Variants in TEX13D observed in about 807,000 individuals in gnomAD.
The protein encoded by TEX13D is testis-expressed protein 13D.
For missense variants in TEX13D, 261 were observed against 265.8 expected (o/e 0.98, Z 0.12); for synonymous variants, 115 against 104.5 (o/e 1.10, Z -0.61).
At position 124,332,665 on chromosome X, in the gene TEX13D, T is replaced by G; in HGVS notation, c.-253T>G. The G allele has an allele frequency of 4.5e-6, 1 of 222,040 alleles. No individual in the cohort carries two copies. Among genetic ancestry groups the G allele is most frequent in the Non-Finnish European group, 8.2e-6 (1 of 122,625 alleles). 18.3% of individuals were successfully genotyped at this position (222,040 alleles called of 1,213,427 possible). ...CCAGCCTTGCGGCACGACTCAGCTT[T>G]TCTCTGTGACATGTCGCGGAGTCGC... On this transcript the variant is annotated 5_prime_UTR_variant, in exon 1 of 1. Transcript: ENST00000632372.
chrX:124,333,461 C>A lies in TEX13D; in HGVS notation c.544C>A (p.Gln182Lys). The A allele has an allele frequency of 6.3e-6, 2 of 316,492 alleles. No homozygotes were observed. Among genetic ancestry groups the A allele is most frequent in the Non-Finnish European group, 1.1e-5 (2 of 183,340 alleles). The allele number at this position is 316,492 out of a possible 1,213,427, so 26.1% of individuals were successfully genotyped here. Reference sequence around the variant, plus strand: ...TGCGGCATGTCCCCTGGCTACAGAGCAGCAGAGCGATATGGTGGCCATGGG... The same window carrying A: ...TGCGGCATGTCCCCTGGCTACAGAGAAGCAGAGCGATATGGTGGCCATGGG... ...GAAACPLATE[Q>K]QSDMVAMGTH... The change falls in exon 1 of 1, where the codon CAG (glutamine) becomes AAG (lysine). Residue 182 changes from glutamine (Q) to lysine (K), a missense_variant. Transcript: ENST00000632372.
rs955743621 is a variant in TEX13D, at chrX:124,335,137, A to G, written c.*75A>G. 22 of 732,631 alleles carry G rather than the reference A, an allele frequency of 3.0e-5. No homozygotes were observed. The highest frequency in any genetic ancestry group is 3.3e-5 in the Non-Finnish European group (19 of 569,871). The allele number at this position is 732,631 out of a possible 1,213,427, so 60.4% of individuals were successfully genotyped here. Reference sequence around the variant, plus strand: ...CCTAAGACCCTCTTCTGATTAAAGTATAACTTATTTACTTCACAGAAAAAT... The same window carrying G: ...CCTAAGACCCTCTTCTGATTAAAGTGTAACTTATTTACTTCACAGAAAAAT... On this transcript the variant is annotated 3_prime_UTR_variant, in exon 1 of 1. Coordinates refer to ENST00000632372, the MANE Select transcript of TEX13D (RefSeq NM_001355534.2).
At position 124,333,412 on chromosome X, in the gene TEX13D, G is replaced by A; in HGVS notation, c.495G>A (p.Gly165=). ...CACTGGCCCATGAAATAATGTCTGG[G>A]CCGCAAGCAGAGCAGAATGGGGCTG... ...AAPLAHEIMS[G]PQAEQNGAAA... Residue 165 remains glycine, a synonymous_variant, in exon 1 of 1, where the codon GGG becomes GGA. Transcript: ENST00000632372. 1 of 343,081 alleles carries A rather than the reference G, an allele frequency of 2.9e-6. No homozygotes were observed. The highest frequency in any genetic ancestry group is 2.7e-5 in the African/African-American group (1 of 37,574). The allele number at this position is 343,081 out of a possible 1,213,427, so 28.3% of individuals were successfully genotyped here.
Position 124,335,001 on chromosome X carries a change from C to T in TEX13D, c.2084C>T (p.Thr695Met), listed in dbSNP as rs1212337355. 2.9e-5 allele frequency: 27 copies of T among 937,140 alleles called. No individual in the cohort carries two copies. Among genetic ancestry groups the T allele is most frequent in the East Asian group, 1.2e-4 (3 of 24,029 alleles). 77.2% of individuals were successfully genotyped at this position (937,140 alleles called of 1,213,427 possible). A position where few individuals can be genotyped will look rare whatever the true frequency, so the allele number is the denominator to read the frequency against. ...AAAGCCATTAATTTTTCATGGCGTA[C>T]GGCCTGCTATAAATGCAAGAAAGCC... ...WCKAINFSWR[T>M]ACYKCKKACV... The change falls in exon 1 of 1, where the codon ACG becomes ATG. Residue 695 changes from threonine (T) to methionine (M), a missense_variant. Coordinates refer to ENST00000632372, the MANE Select transcript of TEX13D (RefSeq NM_001355534.2).
rs779544714 is a variant in TEX13D at position 124,332,922 on chromosome X, C to T, written c.5C>T (p.Ala2Val). 160 of 350,382 alleles carry T rather than the reference C, an allele frequency of 4.6e-4. No individual in the cohort carries two copies. The highest frequency in any genetic ancestry group is 1.5e-3 in the Admixed American group (28 of 18,313). The allele number at this position is 350,382 out of a possible 1,213,427, so 28.9% of individuals were successfully genotyped here. ...CTTGACTAGGCCACAGCCGCCATGGCGATGAATTTTGGGGACCATGCCAGC... is the reference window on the plus strand; with the variant it reads ...CTTGACTAGGCCACAGCCGCCATGGTGATGAATTTTGGGGACCATGCCAGC... MAMNFGDHASGF... is the reference protein window; with the variant it reads MVMNFGDHASGF... Residue 2 changes from alanine to valine, a missense_variant, in exon 1 of 1, where the codon GCG becomes GTG. Ala to Val is a moderately conservative substitution (Grantham distance 64, BLOSUM62 0). Transcript: ENST00000632372.
rs1184228297 is a variant in TEX13D at position 124,333,008 on chromosome X, G to A, written c.91G>A (p.Gly31Ser). 6.3e-6 allele frequency: 3 copies of A among 477,635 alleles called. No individual in the cohort carries two copies. The highest frequency in any genetic ancestry group is 1.1e-5 in the Non-Finnish European group (3 of 269,674). 39.4% of individuals were successfully genotyped at this position (477,635 alleles called of 1,213,427 possible). ...INNEVLMDGS[G>S]PAFYVAFRSR... ...CAATGAAGTCCTCATGGACGGCAGCGGCCCAGCCTTTTACGTGGCCTTCCG... is the reference window on the plus strand; with the variant it reads ...CAATGAAGTCCTCATGGACGGCAGCAGCCCAGCCTTTTACGTGGCCTTCCG... The change falls in exon 1 of 1, where the codon GGC (glycine) becomes AGC (serine). Residue 31 changes from glycine to serine, a missense_variant. By Grantham distance (56) the Gly-to-Ser change is moderately conservative. Coordinates refer to ENST00000632372, the MANE Select transcript of TEX13D (RefSeq NM_001355534.2).
rs1228293891 is a variant in TEX13D, at chrX:124,333,222, C to A, written c.305C>A (p.Ala102Glu). 3 of 469,259 alleles carry A rather than the reference C, an allele frequency of 6.4e-6. No individual in the cohort carries two copies. The highest frequency in any genetic ancestry group is 2.4e-5 in the African/African-American group (1 of 41,579). 38.7% of individuals were successfully genotyped at this position (469,259 alleles called of 1,213,427 possible). The change falls in exon 1 of 1, where the codon GCG (alanine) becomes GAG (glutamate). Residue 102 changes from alanine (A) to glutamate (E), a missense_variant. Ala to Glu is a moderately radical substitution (Grantham distance 107). Transcript: ENST00000632372. ...CAAAGGCATGCGGAGGAGCGCCAGG[C>A]GACCTCCTGGGCTCTAACGTCCCAG... is the stretch of plus-strand genomic sequence containing the variant. ...RLQRHAEERQ[A>E]TSWALTSQLQ...
In TEX13D at chrX:124,333,057, A is replaced by G; in HGVS notation, c.140A>G (p.Glu47Gly). Reference sequence around the variant, plus strand: ...CGCTCGCGGCCGTGGAACGAGGTAGAGGACAGCCTTCAGGCCATTGTGGCC... The same window carrying G: ...CGCTCGCGGCCGTGGAACGAGGTAGGGGACAGCCTTCAGGCCATTGTGGCC... ...AFRSRPWNEVEDSLQAIVADS... is the reference protein window; with the variant it reads ...AFRSRPWNEVGDSLQAIVADS... Residue 47 changes from glutamate to glycine, a missense_variant, in exon 1 of 1, where the codon GAG becomes GGG. Coordinates refer to ENST00000632372, the MANE Select transcript of TEX13D (RefSeq NM_001355534.2). The G allele has an allele frequency of 2.1e-6, 1 of 482,571 alleles. No homozygotes were observed. Among genetic ancestry groups the G allele is most frequent in the Admixed American group, 3.0e-5 (1 of 33,490 alleles). The allele number at this position is 482,571 out of a possible 1,213,427, so 39.8% of individuals were successfully genotyped here.
rs999861706 is a variant in TEX13D at position 124,334,697 on chromosome X, G to T, written c.1780G>T (p.Asp594Tyr). ...GCCCCAGAGGATTGTCCTCCAGGGA[G>T]ACAACAGAAGCTATAGCCAGGAAGG... Reference protein sequence around the residue: ...EGPQRIVLQGDNRSYSQEGSR... With the variant: ...EGPQRIVLQGYNRSYSQEGSR... Residue 594 changes from aspartate to tyrosine, a missense_variant, in exon 1 of 1, where the codon GAC becomes TAC. By Grantham distance (160) the Asp-to-Tyr change is radical. Transcript: ENST00000632372. 14 of 922,824 alleles carry T rather than the reference G, an allele frequency of 1.5e-5. No individual in the cohort carries two copies. Among genetic ancestry groups the T allele is most frequent in the African/African-American group, 2.2e-5 (1 of 44,788 alleles). The allele number at this position is 922,824 out of a possible 1,213,427, so 76.1% of individuals were successfully genotyped here.
In TEX13D at chrX:124,333,959, G is replaced by A. The variant is rs774153637; in HGVS notation, c.1042G>A (p.Gly348Arg). ...PQGTAPLGSS[G>R]CHSQEEGTEG... ...GGGGACAGCCCCACTGGGGAGCAGC[G>A]GATGCCACTCCCAGGAAGAAGGTAC... The change falls in exon 1 of 1, where the codon GGA becomes AGA. Residue 348 changes from glycine (G) to arginine (R), a missense_variant. Gly to Arg is a moderately radical substitution (Grantham distance 125). Coordinates refer to ENST00000632372, the MANE Select transcript of TEX13D (RefSeq NM_001355534.2). 5.8e-4 allele frequency: 464 copies of A among 799,726 alleles called. 1 individual carries two copies. In the African/African-American group the frequency reaches 9.3e-3, roughly 16 times the overall value. 65.9% of individuals were successfully genotyped at this position (799,726 alleles called of 1,213,427 possible).
In TEX13D at chrX:124,332,757, AAGGAGGCCAAGG is replaced by A. The variant is rs916164062; in HGVS notation, c.-151_-140del. The A allele has an allele frequency of 6.9e-6, 2 of 289,125 alleles. No homozygotes were observed. Among genetic ancestry groups the A allele is most frequent in the African/African-American group, 5.6e-5 (2 of 35,947 alleles). 23.8% of individuals were successfully genotyped at this position (289,125 alleles called of 1,213,427 possible). A position where few individuals can be genotyped will look rare whatever the true frequency, so the allele number is the denominator to read the frequency against. Reference sequence around the variant, plus strand: ...TGTGAGAACCAGGGAGTGAGGGAGGAAGGAGGCCAAGGAGGAGGCCAGGACTGAGCAAGGACT... The same window carrying A: ...TGTGAGAACCAGGGAGTGAGGGAGGAAGGAGGCCAGGACTGAGCAAGGACT... On this transcript the variant is annotated 5_prime_UTR_variant, in exon 1 of 1. Transcript: ENST00000632372.
rs1344826182 is a variant in TEX13D at position 124,333,572 on chromosome X, C to G, written c.655C>G (p.Pro219Ala). The change falls in exon 1 of 1, where the codon CCC (proline) becomes GCC (alanine). Residue 219 changes from proline to alanine, a missense_variant. Pro to Ala is a conservative substitution (Grantham distance 27). Coordinates refer to ENST00000632372, the MANE Select transcript of TEX13D (RefSeq NM_001355534.2). ...PLSPWAQGMQPPLPVPHPFPH... is the reference protein window; with the variant it reads ...PLSPWAQGMQAPLPVPHPFPH... ...GAGTCCCTGGGCCCAGGGCATGCAA[C>G]CCCCTCTGCCAGTGCCACATCCATT... 3.3e-6 allele frequency: 1 copy of G among 298,848 alleles called. No homozygotes were observed. Among genetic ancestry groups the G allele is most frequent in the Admixed American group, 6.1e-5 (1 of 16,507 alleles). The allele number at this position is 298,848 out of a possible 1,213,427, so 24.6% of individuals were successfully genotyped here. A position where few individuals can be genotyped will look rare whatever the true frequency, so the allele number is the denominator to read the frequency against.
chrX:124,333,536 C>T lies in TEX13D; in HGVS notation c.619C>T (p.Pro207Ser). The stretch of plus-strand genomic sequence containing the variant: ...AACCCCGACAGATGTTCTTTATGTG[C>T]CAGGACCTCTGAGTCCCTGGGCCCA... Reference protein sequence around the residue: ...MPTPTDVLYVPGPLSPWAQGM... With the variant: ...MPTPTDVLYVSGPLSPWAQGM... The change falls in exon 1 of 1, where the codon CCA becomes TCA. Residue 207 changes from proline (P) to serine (S), a missense_variant. Pro to Ser is a moderately conservative substitution (Grantham distance 74). Coordinates refer to ENST00000632372, the MANE Select transcript of TEX13D (RefSeq NM_001355534.2). The T allele has an allele frequency of 3.3e-6, 1 of 300,149 alleles. No individual in the cohort carries two copies. Among genetic ancestry groups the T allele is most frequent in the Non-Finnish European group, 5.8e-6 (1 of 172,223 alleles). The allele number at this position is 300,149 out of a possible 1,213,427, so 24.7% of individuals were successfully genotyped here.
Position 124,335,200 on chromosome X carries a change from T to G in TEX13D, c.*138T>G. ...TATGGAGAAAATTAAATAAAATAAT[T>G]TATTATCCCATTACCCAAATTAGCC... On this transcript the variant is annotated 3_prime_UTR_variant, in exon 1 of 1. Transcript: ENST00000632372. 2.3e-6 allele frequency: 1 copy of G among 441,612 alleles called. No individual in the cohort carries two copies. The highest frequency in any genetic ancestry group is 3.3e-6 in the Non-Finnish European group (1 of 304,000). 36.4% of individuals were successfully genotyped at this position (441,612 alleles called of 1,213,427 possible).
In TEX13D at chrX:124,332,691, C is replaced by T. The variant is rs2059963531; in HGVS notation, c.-227C>T. 2 of 255,618 alleles carry T rather than the reference C, an allele frequency of 7.8e-6. No homozygotes were observed. Among genetic ancestry groups the T allele is most frequent in the Non-Finnish European group, 1.4e-5 (2 of 143,851 alleles). The allele number at this position is 255,618 out of a possible 1,213,427, so 21.1% of individuals were successfully genotyped here. On this transcript the variant is annotated 5_prime_UTR_variant, in exon 1 of 1. Transcript: ENST00000632372. ...TCTCTGTGACATGTCGCGGAGTCGC[C>T]GGTAGGGTTCGGTGTGGCGAGGGGG...
Position 124,335,010 on chromosome X carries a change from A to G in TEX13D, c.2093A>G (p.Tyr698Cys), listed in dbSNP as rs1010516653. 11 of 937,362 alleles carry G rather than the reference A, an allele frequency of 1.2e-5. No individual in the cohort carries two copies. The African/African-American group carries it at 1.2e-4, about 10-fold the overall frequency. 77.2% of individuals were successfully genotyped at this position (937,362 alleles called of 1,213,427 possible). ...AATTTTTCATGGCGTACGGCCTGCT[A>G]TAAATGCAAGAAAGCCTGTGTGCCA... ...AINFSWRTAC[Y>C]KCKKACVPFE... Residue 698 changes from tyrosine to cysteine, a missense_variant, in exon 1 of 1, where the codon TAT (tyrosine) becomes TGT (cysteine). By Grantham distance (194) the Tyr-to-Cys change is radical. Transcript: ENST00000632372.
chrX:124,333,145 G>A lies in TEX13D; in HGVS notation c.228G>A (p.Val76=). Residue 76 remains valine, a synonymous_variant, in exon 1 of 1, where the codon GTG becomes GTA. Coordinates refer to ENST00000632372, the MANE Select transcript of TEX13D (RefSeq NM_001355534.2). Reference sequence around the variant, plus strand: ...CCTGGAGCGCTTTGGCTTTGAGCGTGCGAGTGGCCACGAGGCAGCGGGAGG... The same window carrying A: ...CCTGGAGCGCTTTGGCTTTGAGCGTACGAGTGGCCACGAGGCAGCGGGAGG... ...ACTWSALALS[V]RVATRQREEL... is the part of the protein sequence containing the mutation. 1 of 449,484 alleles carries A rather than the reference G, an allele frequency of 2.2e-6. No homozygotes were observed. The highest frequency in any genetic ancestry group is 3.4e-5 in the South Asian group (1 of 29,766). The allele number at this position is 449,484 out of a possible 1,213,427, so 37.0% of individuals were successfully genotyped here.
In TEX13D at chrX:124,333,002, G is replaced by A; in HGVS notation, c.85G>A (p.Gly29Ser). 2.1e-6 allele frequency: 1 copy of A among 473,452 alleles called. No individual in the cohort carries two copies. Among genetic ancestry groups the A allele is most frequent in the Non-Finnish European group, 3.7e-6 (1 of 267,276 alleles). 39.0% of individuals were successfully genotyped at this position (473,452 alleles called of 1,213,427 possible). ...RFINNEVLMD[G>S]SGPAFYVAFR... ...CATTAACAATGAAGTCCTCATGGAC[G>A]GCAGCGGCCCAGCCTTTTACGTGGC... The change falls in exon 1 of 1, where the codon GGC becomes AGC. Residue 29 changes from glycine (G) to serine (S), a missense_variant. Transcript: ENST00000632372.
In TEX13D at chrX:124,335,612, C is replaced by G. The variant is rs1271049133; in HGVS notation, c.*550C>G. On this transcript the variant is annotated 3_prime_UTR_variant, in exon 1 of 1. Coordinates refer to ENST00000632372, the MANE Select transcript of TEX13D (RefSeq NM_001355534.2). Reference sequence around the variant, plus strand: ...GAAAATGCTATTATTCCTTTTGAAACTACTGCAATCTTCATGTTTTCTTCA... The same window carrying G: ...GAAAATGCTATTATTCCTTTTGAAAGTACTGCAATCTTCATGTTTTCTTCA... 8.9e-6 allele frequency: 1 copy of G among 112,500 alleles called. No homozygotes were observed. Among genetic ancestry groups the G allele is most frequent in the Non-Finnish European group, 1.9e-5 (1 of 53,347 alleles). The allele number at this position is 112,500 out of a possible 1,213,427, so 9.3% of individuals were successfully genotyped here.
Sources: gnomAD v4.1 joint callset for allele counts on GRCh38, gnomAD v4.1.1 for gene constraint, MANE v1.5 for transcripts, NCBI Gene and HGNC (gene_info 2026-07-23, HGNC 2026-07-21) for gene names.